AKR1C8: variants seen among roughly 807,000 people sequenced by gnomAD.
The protein encoded by AKR1C8 is aldo-keto reductase family 1 member C-like protein 1.
chr10:5,127,213 T>A, the AKR1C8 span, among the ~76,000 whole-genome samples: 127,443 of 150,942 alleles, frequency 0.84, 53,476 homozygotes, highest in Middle Eastern at 0.93. Flanking sequence ...CAACCTAAAA[T>A]TTTTTTTTAA....
At chr10:5,157,491 T>C in the AKR1C8 span, 1 of 285,808 alleles carries the variant, frequency 3.5e-6, no homozygotes, top group Non-Finnish European at 7.0e-6. Context: ...TGCCCTCTCG[T>C]CGATCCTTCC....
At chr10:5,160,666 T>C in the AKR1C8 span, 2 of 366,942 alleles carry the variant, frequency 5.5e-6, no homozygotes, top group East Asian at 7.4e-5. Context: ...ACTCTCTCAC[T>C]TCACAGATGA....
the AKR1C8 span, among the ~76,000 whole-genome samples, chr10:5,177,527 T>C: frequency 1.3e-5 from 2 of 152,228 alleles, no homozygotes; most frequent in East Asian, 1.9e-4. Flanking sequence ...TCTTTTTCTA[T>C]TGATTGGAAT....
chr10:5,137,728 C>T, the AKR1C8 span, among the ~76,000 whole-genome samples: 1 of 152,100 alleles, frequency 6.6e-6, no homozygotes, highest in Admixed American at 6.6e-5. Context: ...CCATGAGTGT[C>T]AGCCAGCTGA....
chr10:5,145,360 C>T, the AKR1C8 span, among the ~76,000 whole-genome samples: 1 of 152,100 alleles, frequency 6.6e-6, no homozygotes, highest in African/African-American at 2.4e-5. Context: ...TCTAATTCAA[C>T]TAAAGAGCTT....
the AKR1C8 span, among the ~76,000 whole-genome samples, chr10:5,165,429 C>T: frequency 2.6e-5 from 4 of 152,226 alleles, no homozygotes; most frequent in African/African-American, 7.2e-5. Context: ...CTTGTCAGCC[C>T]TTTGCTCAAA....
the AKR1C8 span, among the ~76,000 whole-genome samples, chr10:5,147,177 C>G: frequency 6.6e-6 from 1 of 152,032 alleles, no homozygotes; most frequent in African/African-American, 2.4e-5. Flanking sequence ...GTGCCAGGCT[C>G]TTTTTAACAA....
chr10:5,173,640 A>C, the AKR1C8 span, among the ~76,000 whole-genome samples: 1 of 108,518 alleles, frequency 9.2e-6, no homozygotes, highest in Non-Finnish European at 2.2e-5. Context: ...ACATACTAAC[A>C]AAACGATTAA....
chr10:5,175,581 C>T, the AKR1C8 span, among the ~76,000 whole-genome samples: 2 of 152,212 alleles, frequency 1.3e-5, no homozygotes, highest in Non-Finnish European at 2.9e-5. Flanking sequence ...AACTAGTTGA[C>T]AGTCCCACCA....
At chr10:5,147,356 C>T in the AKR1C8 span, among the ~76,000 whole-genome samples, 3 of 152,110 alleles carry the variant, frequency 2.0e-5, no homozygotes, top group Non-Finnish European at 4.4e-5. Context: ...GCAATTACAG[C>T]ATTCTTCCCC....
the AKR1C8 span, among the ~76,000 whole-genome samples, chr10:5,175,471 A>G: frequency 6.6e-6 from 1 of 152,184 alleles, no homozygotes; most frequent in African/African-American, 2.4e-5. Flanking sequence ...CATGATTTAT[A>G]GTCCTTTGGG....
chr10:5,167,475 TC>T, the AKR1C8 span, among the ~76,000 whole-genome samples: 5 of 152,300 alleles, frequency 3.3e-5, no homozygotes, highest in African/African-American at 1.2e-4. Flanking sequence ...TAAGTTCATG[TC>T]CTTTGTAGGG....
chr10:5,180,557 TTGTC>T, the AKR1C8 span, among the ~76,000 whole-genome samples: 7 of 152,150 alleles, frequency 4.6e-5, no homozygotes, highest in Non-Finnish European at 1.0e-4. Flanking sequence ...GTCTTTTTGT[TTGTC>T]TGTGCCCTGC....
the AKR1C8 span, among the ~76,000 whole-genome samples, chr10:5,139,541 G>T: frequency 2.0e-5 from 3 of 152,096 alleles, no homozygotes; most frequent in East Asian, 5.8e-4. Context: ...ACAAAAACAA[G>T]AAATGGGGAA....
the AKR1C8 span, among the ~76,000 whole-genome samples, chr10:5,139,037 A>G: frequency 6.6e-6 from 1 of 152,308 alleles, no homozygotes; most frequent in South Asian, 2.1e-4. Flanking sequence ...CCAAATCATG[A>G]GTGAACTCCC....
chr10:5,154,072 A>G, the AKR1C8 span: 1 of 445,904 alleles, frequency 2.2e-6, no homozygotes, highest in Non-Finnish European at 4.7e-6. Context: ...TCCTCTATCA[A>G]ATACTGAAAT....
At chr10:5,138,038 G>A in the AKR1C8 span, among the ~76,000 whole-genome samples, 9,233 of 151,504 alleles carry the variant, frequency 0.061, 345 homozygotes, top group Middle Eastern at 0.082. Context: ...TAAGGCAAAG[G>A]GCAAAAGCAG....
the AKR1C8 span, among the ~76,000 whole-genome samples, chr10:5,126,142 G>T: frequency 3.3e-5 from 5 of 152,006 alleles, no homozygotes; most frequent in East Asian, 1.9e-4. Context: ...GCTCATGAAG[G>T]GTCTTGGAGA....
chr10:5,145,082 G>C, the AKR1C8 span, among the ~76,000 whole-genome samples: 3 of 150,580 alleles, frequency 2.0e-5, no homozygotes, highest in Non-Finnish European at 3.0e-5. Flanking sequence ...TAGCATGAAG[G>C]GTTGTTGAAT....
Sources: allele counts gnomAD v4.1 joint callset (sites outside exome capture counted in the v4.1 genomes callset), GRCh38; gene constraint gnomAD v4.1.1; transcripts MANE v1.5; gene names NCBI Gene and HGNC (gene_info 2026-07-23, HGNC 2026-07-21).